DNAH9: variants seen among roughly 807,000 people sequenced by gnomAD.
The protein encoded by DNAH9 is DNAH9 variant protein.
Under a neutral mutation model 471.6 loss-of-function variants are expected in DNAH9, and 345 were observed. That is an observed-to-expected ratio of 0.73 (90% confidence interval 0.67 to 0.80). DNAH9 has a LOEUF of 0.80. DNAH9 is among the 30% of genes least tolerant of loss of function. The pLI, the probability that DNAH9 is intolerant of heterozygous loss-of-function variation, is 0.00. For missense variants in DNAH9, 5,407 were observed against 5,609.2 expected, an observed-to-expected ratio of 0.96 and a Z score of 1.15; for synonymous variants, 2,093 against 2,123.6, an observed-to-expected ratio of 0.99 and a Z score of 0.40.
chr17:11,659,564 C>T (rs2073717911), intron 14 of DNAH9, among the ~76,000 whole-genome samples: 1 of 152,182 alleles, frequency 6.6e-6, no homozygotes, highest in Admixed American at 6.5e-5. Context: ...GCCCCTTGCT[C>T]CTTGCTCTCC....
chr17:11,598,920 G>T lies in DNAH9; in HGVS notation c.417+5G>T, dbSNP rs746786421. The T allele has an allele frequency of 6.6e-7, 1 of 1,512,452 alleles. No homozygotes were observed. The highest frequency in any genetic ancestry group is 8.8e-7 in the Non-Finnish European group (1 of 1,135,166). 93.7% of individuals were successfully genotyped at this position (1,512,452 alleles called of 1,614,324 possible). ...CTAGCCGCGCTGTTCTCGGAGGTGAGGGTGGGTTAGTGTCCCCGCGCGGCT... is the reference window on the plus strand; with the variant it reads ...CTAGCCGCGCTGTTCTCGGAGGTGATGGTGGGTTAGTGTCCCCGCGCGGCT... On this transcript the variant is annotated splice_donor_5th_base_variant and intron_variant, in intron 1 of 68. Transcript: ENST00000262442.
chr17:11,617,772 C>G, intron 5 of DNAH9, 150 bp downstream of exon 5: 1 of 625,626 alleles, frequency 1.6e-6, no homozygotes, highest in South Asian at 2.0e-5. Flanking sequence ...ATTTTACTCT[C>G]AGAAGCCAAT....
intron 48 of DNAH9, among the ~76,000 whole-genome samples, chr17:11,826,899 A>T (rs992799566): frequency 1.5e-5 from 2 of 134,278 alleles, no homozygotes; most frequent in African/African-American, 5.9e-5. Context: ...ATCTTGGCTC[A>T]CTGCAACCTC....
intron 67 of DNAH9, among the ~76,000 whole-genome samples, chr17:11,951,757 T>C (rs1975366861): frequency 1.3e-5 from 2 of 151,960 alleles, no homozygotes; most frequent in South Asian, 4.1e-4. Context: ...ACCCCGTCTC[T>C]ACTAAATATA....
chr17:11,862,430 G>A (rs879937070), intron 50 of DNAH9, among the ~76,000 whole-genome samples: 44 of 128,294 alleles, frequency 3.4e-4, no homozygotes, highest in African/African-American at 8.0e-4. Flanking sequence ...TAGCCTTGTA[G>A]TATAGTTTGA....
At chr17:11,832,601 A>G (rs1000712628) in intron 48 of DNAH9, among the ~76,000 whole-genome samples, 5 of 152,240 alleles carry the variant, frequency 3.3e-5, no homozygotes, top group African/African-American at 7.2e-5. Flanking sequence ...GTTTCAATGA[A>G]TACACAAAAT....
chr17:11,810,335 G>T lies in DNAH9; in HGVS notation c.8673G>T (p.Arg2891Ser). The T allele has an allele frequency of 6.2e-7, 1 of 1,613,808 alleles. No individual in the cohort carries two copies. The change falls in exon 45 of 69, where the codon AGG becomes AGT. Residue 2891 changes from arginine to serine, a missense_variant. This residue lies in a region of DNAH9 where 4,636 missense variants were observed against 4,900.3 expected (regional missense o/e 0.95). Coordinates refer to ENST00000262442, the MANE Select transcript of DNAH9 (RefSeq NM_001372.4). ...LMTDAQVADE[R>S]FLVLINDLLA... ...CTGATGCCCAAGTGGCTGATGAGAG[G>T]TTCCTTGTGCTCATCAATGATCTTT...
intron 44 of DNAH9, among the ~76,000 whole-genome samples, chr17:11,809,213 G>GTA (rs1364356324): frequency 4.6e-5 from 7 of 151,816 alleles, no homozygotes; most frequent in Non-Finnish European, 1.0e-4. Flanking sequence ...GTGTATGTGT[G>GTA]TGTGTGTGTT....
intron 67 of DNAH9, among the ~76,000 whole-genome samples, chr17:11,946,926 A>C (rs1975148317): frequency 6.6e-6 from 1 of 152,200 alleles, no homozygotes; most frequent in Non-Finnish European, 1.5e-5. Flanking sequence ...CATTAAGTCA[A>C]CACTGTTAGC....
rs2072609401 is a variant in DNAH9 at position 11,610,407 on chromosome 17, T to C, written c.626T>C (p.Ile209Thr). Residue 209 changes from isoleucine to threonine, a missense_variant, in exon 3 of 69, where the codon ATA becomes ACA. Ile to Thr is a moderately conservative substitution (Grantham distance 89, BLOSUM62 -1). Coordinates refer to ENST00000262442, the MANE Select transcript of DNAH9 (RefSeq NM_001372.4). Reference sequence around the variant, plus strand: ...TTTGTCTTTCACAGCTTGGATTCTATAGATAAGTCAGTCATCTATGCCATT... The same window carrying C: ...TTTGTCTTTCACAGCTTGGATTCTACAGATAAGTCAGTCATCTATGCCATT... ...DSKSETVLDS[I>T]DKSVIYAIES... 1.9e-6 allele frequency: 3 copies of C among 1,613,236 alleles called. No homozygotes were observed. The South Asian group carries it at 3.3e-5, about 18-fold the overall frequency.
chr17:11,824,306 T>C (rs1296873271), intron 48 of DNAH9, among the ~76,000 whole-genome samples: 1 of 152,228 alleles, frequency 6.6e-6, no homozygotes, highest in African/African-American at 2.4e-5. Context: ...CTTTCTCCTT[T>C]TGACTTGTCC....
At position 11,961,962 on chromosome 17, in the gene DNAH9, C is replaced by T. The variant is rs778921540; in HGVS notation, c.12939C>T (p.Ser4313=). The T allele has an allele frequency of 6.8e-6, 11 of 1,614,080 alleles. No homozygotes were observed. Among genetic ancestry groups the T allele is most frequent in the African/African-American group, 1.3e-5 (1 of 74,928 alleles). ...PESWARRAYP[S]TAGLAAWFPD... is the part of the protein sequence containing the mutation. ...CCTGGGCTAGACGAGCCTACCCTTCCACAGCAGGCCTGGCAGCCTGGTTTC... is the reference window on the plus strand; with the variant it reads ...CCTGGGCTAGACGAGCCTACCCTTCTACAGCAGGCCTGGCAGCCTGGTTTC... Residue 4313 remains serine, a synonymous_variant, in exon 68 of 69, where the codon TCC becomes TCT. Coordinates refer to ENST00000262442, the MANE Select transcript of DNAH9 (RefSeq NM_001372.4).
At chr17:11,855,747 G>A (rs1478116723) in intron 50 of DNAH9, among the ~76,000 whole-genome samples, 3 of 152,138 alleles carry the variant, frequency 2.0e-5, no homozygotes, top group Non-Finnish European at 2.9e-5. Flanking sequence ...CCATAAAAAT[G>A]CATATTAACA....
rs550320705 is a variant in DNAH9 at position 11,740,399 on chromosome 17, C to T, written c.5972+1362C>T. 9.9e-4 allele frequency among the ~76,000 whole-genome samples: 150 copies of T among 152,146 alleles called. 1 individual carries two copies. Among genetic ancestry groups the T allele is most frequent in the Non-Finnish European group, 8.7e-4 (59 of 68,026 alleles). The stretch of plus-strand genomic sequence containing the variant: ...AAAGTTCAAAAGCAGGGTGCCAGCA[C>T]GGTCAGGCTCTGGTGAGGGCTCTCC... On this transcript the variant is annotated intron_variant, in intron 29 of 68. Transcript: ENST00000262442.
At chr17:11,872,985 TAAA>T (rs1472376574) in intron 52 of DNAH9, among the ~76,000 whole-genome samples, 2 of 152,212 alleles carry the variant, frequency 1.3e-5, no homozygotes, top group Non-Finnish European at 2.9e-5. Flanking sequence ...CAACATAAGG[TAAA>T]AGCTGTATTC....
At chr17:11,754,984 C>T (rs1967313313) in intron 33 of DNAH9, among the ~76,000 whole-genome samples, 1 of 152,102 alleles carries the variant, frequency 6.6e-6, no homozygotes, top group Non-Finnish European at 1.5e-5. Flanking sequence ...GTTTTTAATC[C>T]TCTTGAGTTA....
At chr17:11,647,856 TTTTG>T (rs2073424514) in intron 12 of DNAH9, among the ~76,000 whole-genome samples, 1 of 152,196 alleles carries the variant, frequency 6.6e-6, no homozygotes, top group Admixed American at 6.5e-5. Context: ...CTGGAAACAT[TTTTG>T]TTTGTCAAAC....
rs546382619 is a variant in DNAH9, at chr17:11,695,071, G to A, written c.4872+624G>A. Among the ~76,000 whole-genome samples the A allele has an allele frequency of 1.3e-4, 19 of 150,798 alleles. No homozygotes were observed. In the South Asian group the frequency reaches 4.0e-3, roughly 32 times the overall value. On this transcript the variant is annotated intron_variant, in intron 22 of 68. Coordinates refer to ENST00000262442, the MANE Select transcript of DNAH9 (RefSeq NM_001372.4). ...GCCGACTGATTTTTTTTGTATTTTA[G>A]TAGAGACGGGGTTTCACCATGTTGG...
intron 42 of DNAH9, among the ~76,000 whole-genome samples, chr17:11,794,663 AC>A (rs1840185313): frequency 6.6e-6 from 1 of 151,988 alleles, no homozygotes; most frequent in African/African-American, 2.4e-5. Context: ...TCGTTGCACA[AC>A]CCAGCTGGGG....
Sources: allele counts gnomAD v4.1 joint callset (sites outside exome capture counted in the v4.1 genomes callset), GRCh38; gene constraint gnomAD v4.1.1; regional missense constraint gnomAD v4.1.1; transcripts MANE v1.5; gene names NCBI Gene and HGNC (gene_info 2026-07-23, HGNC 2026-07-21).